CNTN5: variants seen among roughly 807,000 people sequenced by gnomAD.
CNTN5 encodes contactin-5.
Under a neutral mutation model 129.1 loss-of-function variants are expected in CNTN5, and 77 were observed. The observed-to-expected ratio is 0.60, with a 90% CI of 0.50 to 0.72. CNTN5 has a LOEUF of 0.72. Ranked by LOEUF, CNTN5 falls within the 30% of genes least tolerant of loss-of-function variation. The pLI is 0.00. For synonymous variants in CNTN5, 509 were observed against 465.6 expected (o/e 1.09, Z -1.20); for missense variants, 1,478 against 1,328.8 (o/e 1.11, Z -1.75).
At chr11:99,073,239 AG>A (rs1865411344) in intron 1 of CNTN5, among the ~76,000 whole-genome samples, 1 of 152,068 alleles carries the variant, frequency 6.6e-6, no homozygotes, top group Admixed American at 6.6e-5. Flanking sequence ...TATATCCCAA[AG>A]GGAGATGGTT....
intron 2 of CNTN5, among the ~76,000 whole-genome samples, chr11:99,390,081 ATACT>A (rs1941176538): frequency 6.6e-6 from 1 of 152,164 alleles, no homozygotes; most frequent in Admixed American, 6.6e-5. Context: ...GAATGATTTA[ATACT>A]TAAACAAAAC....
rs57789569 is a variant in CNTN5 at position 99,448,730 on chromosome 11, T to TTTTTATTTTATTTTATTTTATTTTA, written c.-70-107375_-70-107351dup. On this transcript the variant is annotated intron_variant, in intron 2 of 24. Transcript: ENST00000524871. ...TAATTTGCCTAAAATTGTACAATTG[T>TTTTTATTTTATTTTATTTTATTTTA]TTTTATTTTATTTTATTTTATTTTA... Among the ~76,000 whole-genome samples the TTTTTATTTTATTTTATTTTATTTTA allele has an allele frequency of 1.1e-3, 137 of 123,348 alleles. 2 individuals carry two copies. The highest frequency in any genetic ancestry group is 3.4e-3 in the African/African-American group (106 of 30,950). The allele number at this position is 123,348 out of a possible 152,430, so 80.9% of individuals were successfully genotyped here. A position where few individuals can be genotyped will look rare whatever the true frequency, so the allele number is the denominator to read the frequency against.
intron 1 of CNTN5, among the ~76,000 whole-genome samples, chr11:99,186,914 A>G (rs1040675565): frequency 6.6e-6 from 1 of 151,980 alleles, no homozygotes; most frequent in African/African-American, 2.4e-5. Context: ...AGAATAGTAG[A>G]GAGAGGGCAA....
intron 12 of CNTN5, among the ~76,000 whole-genome samples, chr11:100,072,281 C>A (rs1202390984): frequency 6.6e-6 from 1 of 152,116 alleles, no homozygotes; most frequent in East Asian, 1.9e-4. Flanking sequence ...CAGGCTAAAT[C>A]ACTCTCTCCT....
chr11:100,191,013 C>A (rs1367702009), intron 13 of CNTN5, 113 bp from the exon 14 acceptor site: 5 of 604,828 alleles, frequency 8.3e-6, no homozygotes, highest in Admixed American at 6.9e-5. Context: ...CACAGTGATC[C>A]TTTATCTTAC....
At chr11:99,234,589 C>T (rs1488745428) in intron 1 of CNTN5, among the ~76,000 whole-genome samples, 6 of 152,054 alleles carry the variant, frequency 3.9e-5, no homozygotes, top group Non-Finnish European at 8.8e-5. Flanking sequence ...TCCTCCCTCA[C>T]TCTTGAATTA....
chr11:100,074,092 A>T, intron 12 of CNTN5, 52 bp from the exon 13 acceptor site: 1 of 1,517,638 alleles, frequency 6.6e-7, no homozygotes, highest in Non-Finnish European at 9.0e-7. Flanking sequence ...ATCACCCATT[A>T]GAGATTATTG....
intron 3 of CNTN5, among the ~76,000 whole-genome samples, chr11:99,799,749 T>C (rs1054828396): frequency 2.0e-5 from 3 of 152,082 alleles, no homozygotes; most frequent in Admixed American, 6.6e-5. Flanking sequence ...CTTGGGTTGA[T>C]GCTGCCTTTG....
chr11:99,679,364 A>G (rs773105256), intron 3 of CNTN5, among the ~76,000 whole-genome samples: 21 of 151,988 alleles, frequency 1.4e-4, no homozygotes, highest in Non-Finnish European at 2.1e-4. Context: ...CCCTGCCACA[A>G]ACAAGCTTAC....
At chr11:100,061,854 TTAAA>T (rs1943496733) in intron 10 of CNTN5, among the ~76,000 whole-genome samples, 1 of 152,280 alleles carries the variant, frequency 6.6e-6, no homozygotes, top group South Asian at 2.1e-4. Flanking sequence ...AATGGCAGAA[TTAAA>T]TAGAGACAGA....
intron 2 of CNTN5, among the ~76,000 whole-genome samples, chr11:99,480,283 A>C (rs1314290735): frequency 6.6e-6 from 1 of 152,066 alleles, no homozygotes; most frequent in African/African-American, 2.4e-5. Context: ...TGAAATGATA[A>C]ACTTTCTCTC....
chr11:100,066,158 T>G (rs1259427946), intron 10 of CNTN5, among the ~76,000 whole-genome samples: 1 of 152,128 alleles, frequency 6.6e-6, no homozygotes, highest in South Asian at 2.1e-4. Context: ...TGGTAGCTCA[T>G]TGAAATAGGA....
At chr11:99,860,041 C>T (rs1948157890) in intron 6 of CNTN5, among the ~76,000 whole-genome samples, 1 of 152,098 alleles carries the variant, frequency 6.6e-6, no homozygotes, top group Non-Finnish European at 1.5e-5. Flanking sequence ...GCCATTCTGA[C>T]TGGTGTGAGA....
chr11:99,157,853 C>A (rs966600584), intron 1 of CNTN5, among the ~76,000 whole-genome samples: 4 of 152,088 alleles, frequency 2.6e-5, no homozygotes, highest in Non-Finnish European at 4.4e-5. Flanking sequence ...AGTAGCAAGG[C>A]AGATGGATAA....
chr11:100,337,198 G>A (rs1952055041), intron 21 of CNTN5: 3 of 1,538,150 alleles, frequency 2.0e-6, no homozygotes, highest in Non-Finnish European at 2.7e-6. Flanking sequence ...CACCAGCAGT[G>A]AAAACACTGT....
chr11:99,941,352 A>G (rs1216162520), intron 7 of CNTN5, among the ~76,000 whole-genome samples: 5 of 152,094 alleles, frequency 3.3e-5, no homozygotes, highest in Non-Finnish European at 5.9e-5. Flanking sequence ...AGTTTTTAAA[A>G]TAATTATTTT....
intron 24 of CNTN5, among the ~76,000 whole-genome samples, chr11:100,354,676 CAT>C (rs1952485460): frequency 6.6e-6 from 1 of 151,598 alleles, no homozygotes; most frequent in African/African-American, 2.4e-5. Flanking sequence ...GTGTGAACAT[CAT>C]AGAGTATGCT....
chr11:99,271,003 A>G (rs1863142948), intron 1 of CNTN5, among the ~76,000 whole-genome samples: 1 of 151,986 alleles, frequency 6.6e-6, no homozygotes, highest in South Asian at 2.1e-4. Context: ...CTGTCTTCAT[A>G]CATTACACCT....
At chr11:100,286,875 G>A (rs922615937) in intron 18 of CNTN5, among the ~76,000 whole-genome samples, 2 of 151,708 alleles carry the variant, frequency 1.3e-5, no homozygotes, top group African/African-American at 4.9e-5. Flanking sequence ...TTAGAAGAAT[G>A]TATAACTAGA....
Sources: gnomAD v4.1 joint callset for allele counts (sites outside exome capture counted in the v4.1 genomes callset) on GRCh38, gnomAD v4.1.1 for gene constraint, MANE v1.5 for transcripts, NCBI Gene and HGNC (gene_info 2026-07-23, HGNC 2026-07-21) for gene names.